MARCHF1: variants seen among roughly 807,000 people sequenced by gnomAD.
The protein encoded by MARCHF1 is E3 ubiquitin-protein ligase MARCHF1.
A neutral mutation model predicts 54.2 loss-of-function variants in MARCHF1; 40 were observed. The ratio of observed to expected loss-of-function variants is 0.74; its 90% CI spans 0.57 to 0.96. The LOEUF is 0.96. Among genes scored for constraint, MARCHF1 ranks in the 40% least tolerant of loss-of-function variants. The pLI is 0.00. For missense variants in MARCHF1, 586 were observed against 656.5 expected (o/e 0.89, Z 1.17); for synonymous variants, 236 against 236.3 (o/e 1.00, Z 0.01).
chr4:164,078,841 G>A (rs1012158427), intron 2 of MARCHF1, among the ~76,000 whole-genome samples: 1 of 151,732 alleles, frequency 6.6e-6, no homozygotes, highest in African/African-American at 2.4e-5. Flanking sequence ...AATGGGTGCA[G>A]CACACCAACA....
Position 164,285,011 on chromosome 4 carries a change from A to G in MARCHF1, c.-323+98859T>C, listed in dbSNP as rs1431107337. 1.4e-5 allele frequency among the ~76,000 whole-genome samples: 2 copies of G among 142,836 alleles called. 1 individual carries two copies. Among genetic ancestry groups the G allele is most frequent in the Non-Finnish European group, 3.0e-5 (2 of 66,694 alleles). The allele number at this position is 142,836 out of a possible 152,430, so 93.7% of individuals were successfully genotyped here. On this transcript the variant is annotated intron_variant, in intron 1 of 9. Transcript: ENST00000514618. Reference sequence around the variant, plus strand: ...TAATACATTAAATGTCAGCCTTTTCAGCAAGTGTTTATTTTACAAAAGTAG... The same window carrying G: ...TAATACATTAAATGTCAGCCTTTTCGGCAAGTGTTTATTTTACAAAAGTAG...
intron 1 of MARCHF1, chr4:164,197,679 C>T (rs772488773): frequency 6.2e-7 from 1 of 1,612,582 alleles, no homozygotes; most frequent in Non-Finnish European, 8.5e-7. Context: ...CCCTGTTCCG[C>T]AGCTCTGAAT....
chr4:164,218,443 A>G (rs1355546152), intron 1 of MARCHF1, among the ~76,000 whole-genome samples: 1 of 152,112 alleles, frequency 6.6e-6, no homozygotes, highest in Non-Finnish European at 1.5e-5. Flanking sequence ...CAGTAACCAC[A>G]GGAAATGAAG....
In MARCHF1 at chr4:164,227,723, A is replaced by T. The variant is rs116543385; in HGVS notation, c.-322-116061T>A. 3.6e-3 allele frequency among the ~76,000 whole-genome samples: 540 copies of T among 151,658 alleles called. 4 individuals carry two copies. Among genetic ancestry groups the T allele is most frequent in the African/African-American group, 0.013 (522 of 41,388 alleles). On this transcript the variant is annotated intron_variant, in intron 1 of 9. Coordinates refer to ENST00000514618, the MANE Select transcript of MARCHF1 (RefSeq NM_001394959.1). ...TGTACCTACTCAATGTTGTTAATTT[A>T]AAAAAAAACTATATGTTTACACTCA...
At chr4:163,917,040 C>G (rs1158329179) in intron 3 of MARCHF1, among the ~76,000 whole-genome samples, 1 of 152,130 alleles carries the variant, frequency 6.6e-6, no homozygotes, top group Non-Finnish European at 1.5e-5. Context: ...ACCACTGATC[C>G]TTTTGCTATC....
intron 1 of MARCHF1, among the ~76,000 whole-genome samples, chr4:164,274,909 C>G (rs1402851762): frequency 1.3e-5 from 2 of 150,966 alleles, no homozygotes; most frequent in Non-Finnish European, 3.0e-5. Flanking sequence ...ATCTCCTGAC[C>G]TCGTGATCCA....
intron 5 of MARCHF1, among the ~76,000 whole-genome samples, chr4:163,656,122 T>G (rs1349062335): frequency 4.9e-5 from 3 of 61,364 alleles, no homozygotes; most frequent in Non-Finnish European, 7.9e-5. Flanking sequence ...CCAGGAGCTG[T>G]TTTTTTTTTG....
intron 4 of MARCHF1, among the ~76,000 whole-genome samples, chr4:163,849,527 C>T (rs1579338101): frequency 6.6e-6 from 1 of 152,126 alleles, no homozygotes; most frequent in Non-Finnish European, 1.5e-5. Flanking sequence ...TAGAGGCTGG[C>T]TAAACGCTTT....
chr4:164,121,305 T>C (rs187535783), intron 1 of MARCHF1, among the ~76,000 whole-genome samples: 2 of 152,150 alleles, frequency 1.3e-5, no homozygotes, highest in Admixed American at 1.3e-4. Flanking sequence ...GTATTCTCCA[T>C]TCTCACGCTG....
chr4:163,556,642 A>G (rs989462808), intron 8 of MARCHF1, among the ~76,000 whole-genome samples: 5 of 152,000 alleles, frequency 3.3e-5, no homozygotes, highest in African/African-American at 9.7e-5. Context: ...AAAACAGAAT[A>G]TATATTTGTA....
At chr4:164,137,268 A>G (rs569805458) in intron 1 of MARCHF1, among the ~76,000 whole-genome samples, 19 of 152,296 alleles carry the variant, frequency 1.2e-4, no homozygotes, top group Admixed American at 2.6e-4. Context: ...GATTTTCCTA[A>G]AGACTTTTCT....
rs553620592 is a variant in MARCHF1 at position 164,147,745 on chromosome 4, C to T, written c.-322-36083G>A. Among the ~76,000 whole-genome samples the T allele has an allele frequency of 4.2e-3, 608 of 145,638 alleles. 6 individuals are homozygous for T. Among genetic ancestry groups the T allele is most frequent in the African/African-American group, 0.014 (545 of 38,946 alleles). ...CTAGATGACGAGTTAGTGGGTGCAGCGCACCAGCATGGCACATGTATACAA... is the reference window on the plus strand; with the variant it reads ...CTAGATGACGAGTTAGTGGGTGCAGTGCACCAGCATGGCACATGTATACAA... On this transcript the variant is annotated intron_variant, in intron 1 of 9. Coordinates refer to ENST00000514618, the MANE Select transcript of MARCHF1 (RefSeq NM_001394959.1).
In MARCHF1 at chr4:163,700,822, G is replaced by A. The variant is rs1744789391; in HGVS notation, c.153C>T (p.Asn51=). The change falls in exon 5 of 10, where the codon AAC becomes AAT. Residue 51 remains asparagine (N), a synonymous_variant. Coordinates refer to ENST00000514618, the MANE Select transcript of MARCHF1 (RefSeq NM_001394959.1). ...SPGRSASRSS[N]ISKASSPTTG... The stretch of plus-strand genomic sequence containing the variant: ...TGAGTACTTCACCTACTTTTGAAAT[G>A]TTACTTGATCGACTTGCAGATCGCC... 9.1e-6 allele frequency: 14 copies of A among 1,535,986 alleles called. No individual in the cohort carries two copies. Among genetic ancestry groups the A allele is most frequent in the Non-Finnish European group, 1.2e-5 (14 of 1,146,200 alleles).
At chr4:163,888,802 G>A (rs1230165514) in intron 3 of MARCHF1, among the ~76,000 whole-genome samples, 1 of 152,040 alleles carries the variant, frequency 6.6e-6, no homozygotes, top group African/African-American at 2.4e-5. Context: ...TCCTCTTCTT[G>A]GAGATCATAG....
At chr4:164,190,041 G>A in intron 1 of MARCHF1, 1 of 1,342,846 alleles carries the variant, frequency 7.4e-7, no homozygotes, top group Non-Finnish European at 1.1e-6. Context: ...AAAGCTCAAG[G>A]AGTGCATTGA....
intron 4 of MARCHF1, among the ~76,000 whole-genome samples, chr4:163,799,506 T>C (rs1045622839): frequency 6.6e-6 from 1 of 152,248 alleles, no homozygotes; most frequent in South Asian, 2.1e-4. Context: ...TGAACTAGCA[T>C]GTAAAAAGGC....
chr4:163,859,770 T>C (rs1481329417), intron 3 of MARCHF1, among the ~76,000 whole-genome samples: 1 of 152,116 alleles, frequency 6.6e-6, no homozygotes, highest in African/African-American at 2.4e-5. Context: ...GGAGAAACTA[T>C]AACAATAGTG....
At chr4:164,017,008 A>G (rs1753557641) in intron 2 of MARCHF1, among the ~76,000 whole-genome samples, 1 of 152,118 alleles carries the variant, frequency 6.6e-6, no homozygotes, top group Admixed American at 6.6e-5. Flanking sequence ...AAATATTTCA[A>G]ATAATTTTAA....
At chr4:164,193,392 C>T (rs1214467192) in intron 1 of MARCHF1, among the ~76,000 whole-genome samples, 1 of 151,906 alleles carries the variant, frequency 6.6e-6, no homozygotes. Flanking sequence ...AGTTGATTTG[C>T]GAGCTATGCT....
Sources: gnomAD v4.1 joint callset for allele counts (sites outside exome capture counted in the v4.1 genomes callset) on GRCh38, gnomAD v4.1.1 for gene constraint, MANE v1.5 for transcripts, NCBI Gene and HGNC (gene_info 2026-07-23, HGNC 2026-07-21) for gene names.